The following STAT5B variants were observed in gnomAD, a reference collection of about 807,000 sequenced individuals.
STAT5B encodes transcription factor STAT5B.
Under a neutral mutation model 107.8 loss-of-function variants are expected in STAT5B, and 21 were observed. The observed-to-expected ratio is 0.19, with a 90% confidence interval of 0.14 to 0.28. The LOEUF (loss-of-function observed/expected upper bound fraction) is 0.28, where lower values mean the gene tolerates loss of function less well. Among genes scored for constraint, STAT5B ranks in the 10% least tolerant of loss-of-function variants. The pLI is 1.00. For synonymous variants in STAT5B, 325 were observed against 401.7 expected (o/e 0.81, Z 2.28); for missense variants, 565 against 1,008.2 (o/e 0.56, Z 5.95).
chr17:42,286,445 C>G, the STAT5B span, among the ~76,000 whole-genome samples: 2 of 152,094 alleles, frequency 1.3e-5, no homozygotes, highest in African/African-American at 2.4e-5. Flanking sequence ...TCTGGCACCT[C>G]AATGCTAGCT....
chr17:42,258,868 A>T (rs1423865616), intron 1 of STAT5B, among the ~76,000 whole-genome samples: 1 of 152,176 alleles, frequency 6.6e-6, no homozygotes, highest in African/African-American at 2.4e-5. Flanking sequence ...GGGAACTAAA[A>T]ATGATTCCCC....
upstream of STAT5B, among the ~76,000 whole-genome samples, chr17:42,278,313 G>A (rs920047568): frequency 2.6e-5 from 4 of 152,074 alleles, no homozygotes; most frequent in African/African-American, 4.8e-5. Context: ...CCTCCTACTC[G>A]TGTTCAAGCC....
chr17:42,279,888 C>T (rs565088231), upstream of STAT5B, among the ~76,000 whole-genome samples: 41 of 152,150 alleles, frequency 2.7e-4, no homozygotes, highest in African/African-American at 9.6e-4. Context: ...CTGATGGTCA[C>T]CAGGCACCAA....
At chr17:42,201,913 G>C in intron 18 of STAT5B, 49 bp from the exon 19 acceptor site, 2 of 1,593,020 alleles carry the variant, frequency 1.3e-6, no homozygotes, top group South Asian at 2.2e-5. Flanking sequence ...GCCTGCCAGA[G>C]ACCACCCCAA....
chr17:42,280,653 G>A (rs1358584671), upstream of STAT5B, among the ~76,000 whole-genome samples: 1 of 152,184 alleles, frequency 6.6e-6, no homozygotes, highest in African/African-American at 2.4e-5. Flanking sequence ...GAGCCATGTG[G>A]AGAAGGTATA....
At chr17:42,248,814 CA>C (rs1172918292) in intron 1 of STAT5B, among the ~76,000 whole-genome samples, 1 of 152,234 alleles carries the variant, frequency 6.6e-6, no homozygotes, top group African/African-American at 2.4e-5. Flanking sequence ...ACAGACCAAA[CA>C]GAAAGCAGCG....
intron 18 of STAT5B, 182 bp from the exon 19 acceptor site, chr17:42,202,046 C>CTGT: frequency 1.5e-6 from 1 of 653,272 alleles, no homozygotes; most frequent in Non-Finnish European, 2.7e-6. Flanking sequence ...ATACCCTCCC[C>CTGT]TGTTACCTCT....
At chr17:42,262,370 T>G (rs774970950) in intron 1 of STAT5B, among the ~76,000 whole-genome samples, 1 of 152,174 alleles carries the variant, frequency 6.6e-6, no homozygotes, top group African/African-American at 2.4e-5. Flanking sequence ...ATGTTGTCCA[T>G]GCAGGAAAAT....
intron 5 of STAT5B, among the ~76,000 whole-genome samples, chr17:42,222,021 GGTGT>G (rs1308246132): frequency 7.0e-6 from 1 of 142,764 alleles, no homozygotes; most frequent in Non-Finnish European, 1.5e-5. Flanking sequence ...TGTGTGGTGT[GGTGT>G]GTGTGGTGTG....
Position 42,217,254 on chromosome 17 carries a change from C to T in STAT5B, c.1286G>A (p.Arg429His), listed in dbSNP as rs2080179947. Residue 429 changes from arginine (R) to histidine (H), a missense_variant, in exon 11 of 19, where the codon CGT (arginine) becomes CAT (histidine). Transcript: ENST00000293328. ...MSLKRIKRSDRRGAESVTEEK... is the reference protein window; with the variant it reads ...MSLKRIKRSDHRGAESVTEEK... The stretch of plus-strand genomic sequence containing the variant: ...TTCTGTCACCGACTCTGCCCCACGA[C>T]GGTCTGACCTCTTAATTCGTTTCAG... The T allele has an allele frequency of 6.2e-7, 1 of 1,614,192 alleles. No individual in the cohort carries two copies. The highest frequency in any genetic ancestry group is 8.5e-7 in the Non-Finnish European group (1 of 1,180,038).
chr17:42,269,548 T>C (rs1031107439), intron 1 of STAT5B: 4 of 152,246 alleles, frequency 2.6e-5, no homozygotes, highest in South Asian at 2.1e-4. Context: ...TTCTGAGTTA[T>C]AGATACCTCA....
intron 1 of STAT5B, among the ~76,000 whole-genome samples, chr17:42,233,590 ACGCCATTCTCCTG>A (rs1420476790): frequency 6.6e-6 from 1 of 151,342 alleles, no homozygotes; most frequent in African/African-American, 2.4e-5. Flanking sequence ...TCCCGGGTTC[ACGCCATTCTCCTG>A]CCTCAGCCTC....
intron 1 of STAT5B, among the ~76,000 whole-genome samples, chr17:42,241,442 G>A (rs2080401695): frequency 6.6e-6 from 1 of 150,882 alleles, no homozygotes; most frequent in South Asian, 2.1e-4. Flanking sequence ...ACCTAGTACA[G>A]CAATTTTTTT....
intron 1 of STAT5B, among the ~76,000 whole-genome samples, chr17:42,238,265 C>T (rs1598319167): frequency 2.0e-5 from 3 of 151,436 alleles, no homozygotes; most frequent in South Asian, 4.2e-4. Flanking sequence ...ACCCAAGTAG[C>T]TAGGACTGTG....
intron 16 of STAT5B, 95 bp downstream of exon 16, chr17:42,207,463 A>G (rs190000455): frequency 1.3e-6 from 2 of 1,495,154 alleles, no homozygotes; most frequent in East Asian, 4.5e-5. Context: ...GTTTTCACAC[A>G]AGAGAGATAA....
At chr17:42,244,092 CTTT>C (rs201312693) in intron 1 of STAT5B, among the ~76,000 whole-genome samples, 2 of 140,732 alleles carry the variant, frequency 1.4e-5, no homozygotes, top group African/African-American at 2.7e-5. Flanking sequence ...CTTTTCTTTT[CTTT>C]TTTTTTTTTT....
intron 8 of STAT5B, 121 bp from the exon 9 acceptor site, chr17:42,218,451 C>A (rs1432362184): frequency 6.1e-6 from 9 of 1,475,148 alleles, no homozygotes; most frequent in Middle Eastern, 5.0e-4. Context: ...AGAGCTCGGG[C>A]ACAGCCTCTG....
At chr17:42,219,931 A>C in intron 5 of STAT5B, 89 bp from the exon 6 acceptor site, 1 of 1,592,318 alleles carries the variant, frequency 6.3e-7, no homozygotes, top group Non-Finnish European at 8.6e-7. Flanking sequence ...CTGGAGCGAG[A>C]CCCTCCTGGG....
chr17:42,281,439 T>G (rs757389601), upstream of STAT5B, among the ~76,000 whole-genome samples: 1 of 152,218 alleles, frequency 6.6e-6, no homozygotes, highest in African/African-American at 2.4e-5. Flanking sequence ...ATGCTCCCTA[T>G]TAAAACATTA....
Sources: allele counts gnomAD v4.1 joint callset (sites outside exome capture counted in the v4.1 genomes callset), GRCh38; gene constraint gnomAD v4.1.1; transcripts MANE v1.5; gene names NCBI Gene and HGNC (gene_info 2026-07-23, HGNC 2026-07-21).